Variants in DCX observed in about 807,000 individuals in gnomAD.
The protein encoded by DCX is neuronal migration protein doublecortin.
A neutral mutation model predicts 20.9 loss-of-function variants in DCX; 4 were observed. The observed-to-expected ratio is 0.19, with a 90% CI of 0.09 to 0.44. The LOEUF (loss-of-function observed/expected upper bound fraction) is 0.44. Among genes scored for constraint, DCX ranks in the 20% least tolerant of loss-of-function variants. The pLI, the probability that DCX is intolerant of heterozygous loss-of-function variation, is 0.99. For missense variants in DCX, 133 were observed against 296.9 expected (o/e 0.45, Z 4.06); for synonymous variants, 103 against 111.4 (o/e 0.92, Z 0.47).
At chrX:111,357,487 T>C (rs958984131) in intron 3 of DCX, among the ~76,000 whole-genome samples, 2 of 111,980 alleles carry the variant, frequency 1.8e-5, no homozygotes, top group Non-Finnish European at 3.8e-5. Flanking sequence ...TTTTAAGAAT[T>C]GGAGTTCTGT....
chrX:111,362,344 G>A (rs1470930123), intron 3 of DCX, among the ~76,000 whole-genome samples: 2 of 110,543 alleles, frequency 1.8e-5, no homozygotes, highest in Admixed American at 1.9e-4. Flanking sequence ...CTCTTCAAAA[G>A]TGATATATTG....
In DCX at chrX:111,299,664, T is replaced by C. The variant is rs890189441; in HGVS notation, c.*2023A>G. ...AGGCACTAAGAAAACCCTGAGCTTC[T>C]AGAAAGAAATAGGGGCTTAGTAAAA... On this transcript the variant is annotated 3_prime_UTR_variant, in exon 7 of 7. Coordinates refer to ENST00000636035, the MANE Select transcript of DCX (RefSeq NM_001195553.2). 9.0e-6 allele frequency: 1 copy of C among 111,526 alleles called. No individual in the cohort carries two copies. The highest frequency in any genetic ancestry group is 1.9e-5 in the Non-Finnish European group (1 of 53,134). 9.2% of individuals were successfully genotyped at this position (111,526 alleles called of 1,213,427 possible). A position where few individuals can be genotyped will look rare whatever the true frequency, so the allele number is the denominator to read the frequency against.
At chrX:111,335,686 G>A (rs1314433677) in intron 3 of DCX, among the ~76,000 whole-genome samples, 1 of 112,402 alleles carries the variant, frequency 8.9e-6, no homozygotes, top group South Asian at 3.7e-4. Context: ...AGTGACTTAC[G>A]CCTGTAATCC....
chrX:111,410,216 C>T lies in DCX; in HGVS notation c.183G>A (p.Gly61=). The stretch of plus-strand genomic sequence containing the variant: ...ACACAATCCCCTTGAAGTAGCGGTC[C>T]CCATTGCGGTAGAAACGTACCTTCT... ...KAKKVRFYRN[G]DRYFKGIVYA... The change falls in exon 2 of 7, where the codon GGG becomes GGA. Residue 61 remains glycine (G), a synonymous_variant. Coordinates refer to ENST00000636035, the MANE Select transcript of DCX (RefSeq NM_001195553.2). 1 of 1,211,292 alleles carries T rather than the reference C, an allele frequency of 8.3e-7. No homozygotes were observed. The highest frequency in any genetic ancestry group is 1.1e-6 in the Non-Finnish European group (1 of 895,427).
rs1226571263 is a variant in DCX, at chrX:111,398,597, GT to G, written c.705+2392del. Among the ~76,000 whole-genome samples, 3 of 111,537 alleles carry G rather than the reference GT, an allele frequency of 2.7e-5. No individual in the cohort carries two copies. In the Admixed American group the frequency reaches 2.9e-4, roughly 11 times the overall value. ...ATCATATGCTGGTATTTTGTAATAT[GT>G]CCCCCAAAGAAAGGGAACTGATGTT... is the stretch of plus-strand genomic sequence containing the variant. On this transcript the variant is annotated intron_variant, in intron 3 of 6. Transcript: ENST00000636035.
At chrX:111,385,767 GGGAA>G (rs1569495765) in intron 3 of DCX, among the ~76,000 whole-genome samples, 2 of 87,578 alleles carry the variant, frequency 2.3e-5, no homozygotes, top group African/African-American at 8.6e-5. Context: ...GAGGGAGGGA[GGGAA>G]GGAGGGAGGG....
rs779309404 is a variant in DCX, at chrX:111,321,068, A to G, written c.947-8332T>C. 3.6e-5 allele frequency among the ~76,000 whole-genome samples: 4 copies of G among 111,744 alleles called. No homozygotes were observed. In the East Asian group the frequency reaches 8.4e-4, roughly 24 times the overall value. On this transcript the variant is annotated intron_variant, in intron 5 of 6. Transcript: ENST00000636035. ...GTGAAAGTTGTGGCTGAGAAAAGAG[A>G]AAGTAATGAAAAGAAGATAGACACC...
chrX:111,391,343 C>T (rs1349700372), intron 3 of DCX, among the ~76,000 whole-genome samples: 2 of 111,474 alleles, frequency 1.8e-5, no homozygotes, highest in Non-Finnish European at 3.8e-5. Flanking sequence ...AGTCATGCTT[C>T]CTATTAAGCC....
At chrX:111,376,503 T>C (rs1363230795) in intron 3 of DCX, among the ~76,000 whole-genome samples, 1 of 111,975 alleles carries the variant, frequency 8.9e-6, no homozygotes, top group Non-Finnish European at 1.9e-5. Flanking sequence ...AATATGCCAT[T>C]TCAAATAACT....
At chrX:111,328,206 T>C (rs1244072979) in intron 5 of DCX, among the ~76,000 whole-genome samples, 1 of 111,832 alleles carries the variant, frequency 8.9e-6, no homozygotes, top group Non-Finnish European at 1.9e-5. Flanking sequence ...CATTTCTTTT[T>C]TTCTTTTTTT....
chrX:111,304,561 T>C (rs2095040909), intron 6 of DCX, among the ~76,000 whole-genome samples: 1 of 111,470 alleles, frequency 9.0e-6, no homozygotes, highest in Admixed American at 9.5e-5. Flanking sequence ...AAAGAACTCA[T>C]TCCCAGAGAA....
chrX:111,376,112 AG>A (rs1441827797), intron 3 of DCX, among the ~76,000 whole-genome samples: 3 of 112,309 alleles, frequency 2.7e-5, no homozygotes, highest in East Asian at 5.7e-4. Flanking sequence ...GGAATGAGCC[AG>A]GGGAGGGGCT....
At chrX:111,352,710 C>T (rs923109469) in intron 3 of DCX, among the ~76,000 whole-genome samples, 1 of 111,329 alleles carries the variant, frequency 9.0e-6, no homozygotes, top group East Asian at 2.8e-4. Context: ...TACACTAGAC[C>T]TGCTGCCTTT....
At chrX:111,354,871 C>T (rs1304184850) in intron 3 of DCX, among the ~76,000 whole-genome samples, 1 of 112,548 alleles carries the variant, frequency 8.9e-6, no homozygotes, top group Non-Finnish European at 1.9e-5. Flanking sequence ...CACTGTACCT[C>T]TTACTGAAAT....
chrX:111,335,468 A>G (rs961284694), intron 3 of DCX, among the ~76,000 whole-genome samples: 2 of 112,577 alleles, frequency 1.8e-5, no homozygotes, highest in African/African-American at 3.2e-5. Context: ...CAAAGACAGA[A>G]AAGTAGGAAT....
At chrX:111,410,950 G>T in intron 1 of DCX, 1 of 1,209,641 alleles carries the variant, frequency 8.3e-7, no homozygotes, top group Non-Finnish European at 1.1e-6. Flanking sequence ...TCAGTACAAT[G>T]ACTATGAAGG....
At chrX:111,321,931 A>G (rs1208476456) in intron 5 of DCX, among the ~76,000 whole-genome samples, 1 of 112,004 alleles carries the variant, frequency 8.9e-6, no homozygotes, top group Admixed American at 9.4e-5. Context: ...AGACCAAACC[A>G]AGTTAATGCT....
chrX:111,379,976 G>A (rs1029842327), intron 3 of DCX, among the ~76,000 whole-genome samples: 1 of 111,287 alleles, frequency 9.0e-6, no homozygotes, highest in Admixed American at 9.5e-5. Context: ...TTTCATGTAC[G>A]TGCTCCTTGG....
At chrX:111,328,014 C>T (rs1211448850) in intron 5 of DCX, among the ~76,000 whole-genome samples, 1 of 112,329 alleles carries the variant, frequency 8.9e-6, no homozygotes, top group Non-Finnish European at 1.9e-5. Context: ...TAGGGTTTGA[C>T]TTCATTTATG....
Sources: gnomAD v4.1 joint callset for allele counts (sites outside exome capture counted in the v4.1 genomes callset) on GRCh38, gnomAD v4.1.1 for gene constraint, MANE v1.5 for transcripts, NCBI Gene and HGNC (gene_info 2026-07-23, HGNC 2026-07-21) for gene names.